GABRA3: variants seen among roughly 807,000 people sequenced by gnomAD.
GABRA3 encodes gamma-aminobutyric acid receptor subunit alpha-3.
GABRA3 carries 10 observed loss-of-function variants against 30.1 expected under a neutral mutation model. That is an observed-to-expected ratio of 0.33 (90% confidence interval 0.20 to 0.56). The LOEUF (loss-of-function observed/expected upper bound fraction) is 0.56, where lower values mean the gene tolerates loss of function less well. Among genes scored for constraint, GABRA3 ranks in the 20% least tolerant of loss-of-function variants. GABRA3 has a pLI of 0.89. For synonymous variants in GABRA3, 151 were observed against 146.8 expected, an observed-to-expected ratio of 1.03 and a Z score of -0.21; for missense variants, 233 against 392.0, an observed-to-expected ratio of 0.59 and a Z score of 3.42.
intron 1 of GABRA3, among the ~76,000 whole-genome samples, chrX:152,382,950 G>A (rs971439541): frequency 8.9e-6 from 1 of 111,768 alleles, no homozygotes; most frequent in African/African-American, 3.3e-5. Context: ...TTGAAATCAA[G>A]GACAGTGATG....
intron 7 of GABRA3, among the ~76,000 whole-genome samples, chrX:152,206,094 C>A (rs1157910889): frequency 8.9e-5 from 10 of 112,730 alleles, no homozygotes; most frequent in African/African-American, 2.6e-4. Flanking sequence ...AGAGTTGATG[C>A]CAGGTGGGCA....
At chrX:152,285,974 AT>A (rs1181779912) in intron 3 of GABRA3, among the ~76,000 whole-genome samples, 1 of 106,478 alleles carries the variant, frequency 9.4e-6, no homozygotes, top group East Asian at 2.9e-4. Context: ...AGTACTATAA[AT>A]TTCAGCATAC....
intron 1 of GABRA3, among the ~76,000 whole-genome samples, chrX:152,442,527 C>T (rs997730239): frequency 1.8e-5 from 2 of 110,936 alleles, no homozygotes; most frequent in African/African-American, 3.3e-5. Context: ...TAGAAAGATC[C>T]CCTTCACAAA....
At chrX:152,355,452 C>T (rs1204139393) in intron 2 of GABRA3, among the ~76,000 whole-genome samples, 1 of 111,198 alleles carries the variant, frequency 9.0e-6, no homozygotes, top group Non-Finnish European at 1.9e-5. Context: ...TGGCTCTCTC[C>T]CTGTGAAATC....
At chrX:152,334,665 T>A (rs1452099278) in intron 3 of GABRA3, among the ~76,000 whole-genome samples, 1 of 111,399 alleles carries the variant, frequency 9.0e-6, no homozygotes, top group African/African-American at 3.3e-5. Context: ...AGTGCTTGGA[T>A]TACAGGTGTG....
At chrX:152,419,950 G>T (rs1415213184) in intron 1 of GABRA3, among the ~76,000 whole-genome samples, 1 of 110,819 alleles carries the variant, frequency 9.0e-6, no homozygotes, top group African/African-American at 3.3e-5. Context: ...TTTATATAAA[G>T]AATAAAAGGC....
chrX:152,188,151 G>T (rs191370657), intron 9 of GABRA3, among the ~76,000 whole-genome samples: 1 of 110,540 alleles, frequency 9.0e-6, no homozygotes, highest in African/African-American at 3.3e-5. Context: ...TTAATATCTG[G>T]GTGATAAAAT....
intron 3 of GABRA3, among the ~76,000 whole-genome samples, chrX:152,325,418 C>T (rs764815910): frequency 9.0e-6 from 1 of 111,486 alleles, no homozygotes; most frequent in African/African-American, 3.3e-5. Flanking sequence ...CCCTGACCCC[C>T]GAGTAGACTA....
At chrX:152,206,846 C>T (rs1361752423) in intron 7 of GABRA3, among the ~76,000 whole-genome samples, 3 of 111,689 alleles carry the variant, frequency 2.7e-5, no homozygotes, top group East Asian at 5.7e-4. Context: ...CTGGTCCAGC[C>T]GGAGGCCTGC....
intron 6 of GABRA3, among the ~76,000 whole-genome samples, chrX:152,210,106 G>A (rs1937615406): frequency 1.8e-5 from 2 of 112,090 alleles, no homozygotes; most frequent in Non-Finnish European, 1.9e-5. Flanking sequence ...GCATTGAAGC[G>A]CAAAACCTAA....
intron 5 of GABRA3, among the ~76,000 whole-genome samples, chrX:152,247,649 C>T (rs1230800540): frequency 9.0e-6 from 1 of 111,565 alleles, no homozygotes; most frequent in Non-Finnish European, 1.9e-5. Flanking sequence ...TGCCTTATCG[C>T]ATTCACTTCC....
intron 1 of GABRA3, among the ~76,000 whole-genome samples, chrX:152,366,295 G>T (rs2124495994): frequency 9.0e-6 from 1 of 111,730 alleles, no homozygotes; most frequent in African/African-American, 3.2e-5. Flanking sequence ...GAGACACTTG[G>T]GCTAGGATAT....
intron 5 of GABRA3, among the ~76,000 whole-genome samples, chrX:152,228,958 T>C (rs1938016778): frequency 9.0e-6 from 1 of 111,404 alleles, no homozygotes. Context: ...TTCCAGAGGA[T>C]TATCACTATC....
chrX:152,336,974 C>G (rs1940243711), intron 3 of GABRA3, among the ~76,000 whole-genome samples: 1 of 111,235 alleles, frequency 9.0e-6, no homozygotes, highest in Non-Finnish European at 1.9e-5. Flanking sequence ...TAAAAAGATA[C>G]AAGGAGAGAG....
At chrX:152,390,334 T>C (rs1288269230) in intron 1 of GABRA3, among the ~76,000 whole-genome samples, 1 of 112,220 alleles carries the variant, frequency 8.9e-6, no homozygotes, top group Non-Finnish European at 1.9e-5. Flanking sequence ...TCAAATGAAA[T>C]AAATTTGATA....
At chrX:152,437,084 G>C (rs949203633) in intron 1 of GABRA3, among the ~76,000 whole-genome samples, 4 of 111,489 alleles carry the variant, frequency 3.6e-5, no homozygotes, top group African/African-American at 9.8e-5. Flanking sequence ...AAGCACATGA[G>C]AAAATGTTCA....
intron 1 of GABRA3, among the ~76,000 whole-genome samples, chrX:152,426,499 C>T (rs957560003): frequency 9.0e-6 from 1 of 111,591 alleles, no homozygotes; most frequent in South Asian, 3.8e-4. Context: ...AAGTCTCTAA[C>T]AGTCAACACT....
intron 5 of GABRA3, among the ~76,000 whole-genome samples, chrX:152,242,173 T>TG (rs1938391102): frequency 9.0e-6 from 1 of 111,478 alleles, no homozygotes; most frequent in Non-Finnish European, 1.9e-5. Flanking sequence ...GGACACACTA[T>TG]GGGGGAAAGA....
intron 3 of GABRA3, among the ~76,000 whole-genome samples, chrX:152,329,700 G>C (rs1940130125): frequency 1.8e-5 from 2 of 111,868 alleles, no homozygotes; most frequent in Non-Finnish European, 3.8e-5. Context: ...ATTAATTCAG[G>C]ATGGATTAAA....
Sources: allele counts gnomAD v4.1 joint callset (sites outside exome capture counted in the v4.1 genomes callset), GRCh38; gene constraint gnomAD v4.1.1; transcripts MANE v1.5; gene names NCBI Gene and HGNC (gene_info 2026-07-23, HGNC 2026-07-21).